The following EPHB2 variants were observed in gnomAD, a reference collection of about 807,000 sequenced individuals.
EPHB2 encodes EPH receptor B2.
Under a neutral mutation model 96.4 loss-of-function variants are expected in EPHB2, and 18 were observed. The observed-to-expected ratio is 0.19, with a 90% CI of 0.13 to 0.28. The LOEUF (loss-of-function observed/expected upper bound fraction) is 0.28, where lower values mean the gene tolerates loss of function less well. Ranked by LOEUF, EPHB2 falls within the 10% of genes least tolerant of loss-of-function variation. The pLI, the probability that EPHB2 is intolerant of heterozygous loss-of-function variation, is 1.00. For missense variants in EPHB2, 989 were observed against 1,355.4 expected, an observed-to-expected ratio of 0.73 and a Z score of 4.25; for synonymous variants, 506 against 534.1, an observed-to-expected ratio of 0.95 and a Z score of 0.72.
At chr1:22,890,957 G>A (rs538602766) in intron 6 of EPHB2, among the ~76,000 whole-genome samples, 9 of 152,132 alleles carry the variant, frequency 5.9e-5, no homozygotes, top group Non-Finnish European at 1.3e-4. Flanking sequence ...CTAGTCTTGG[G>A]TATGTGTGTA....
chr1:22,880,308 G>A lies in EPHB2; in HGVS notation c.1304-2051G>A, dbSNP rs551106347. ...TCAGGTTCCCCTGAACTCCTACCAG[G>A]CCTGCTCCACACTCACATCCCATAT... On this transcript the variant is annotated intron_variant, in intron 5 of 15. Coordinates refer to ENST00000374630, the MANE Select transcript of EPHB2 (RefSeq NM_017449.5). Among the ~76,000 whole-genome samples the A allele has an allele frequency of 4.6e-5, 7 of 152,334 alleles. No homozygotes were observed. In the East Asian group the frequency reaches 1.4e-3, roughly 29 times the overall value.
At chr1:22,799,426 C>A (rs1644811542) in intron 3 of EPHB2, among the ~76,000 whole-genome samples, 1 of 152,186 alleles carries the variant, frequency 6.6e-6, no homozygotes, top group South Asian at 2.1e-4. Flanking sequence ...AGGTGACTCA[C>A]CTACCCAAGC....
intron 1 of EPHB2, among the ~76,000 whole-genome samples, chr1:22,714,435 G>A (rs1367693858): frequency 6.6e-6 from 1 of 152,180 alleles, no homozygotes; most frequent in African/African-American, 2.4e-5. Context: ...AAAGGAAATA[G>A]CATGTCTATA....
At position 22,911,255 on chromosome 1, in the gene EPHB2, C is replaced by T. The variant is rs534177523; in HGVS notation, c.2696+680C>T. On this transcript the variant is annotated intron_variant, in intron 14 of 15. Transcript: ENST00000374630. ...TAAGTTTCCTTCCTAGCTACCCTCA[C>T]GCTCAAACCTGGACCCTCTAACTTC... is the stretch of plus-strand genomic sequence containing the variant. Among the ~76,000 whole-genome samples the T allele has an allele frequency of 5.3e-5, 8 of 152,284 alleles. No individual in the cohort carries two copies. The South Asian group carries it at 8.3e-4, about 16-fold the overall frequency.
intron 3 of EPHB2, among the ~76,000 whole-genome samples, chr1:22,810,137 G>A (rs1482035358): frequency 1.3e-5 from 2 of 152,148 alleles, no homozygotes; most frequent in African/African-American, 2.4e-5. Flanking sequence ...CGGTGGGGTT[G>A]GGGGACTTAG....
intron 3 of EPHB2, among the ~76,000 whole-genome samples, chr1:22,826,978 C>T (rs1645233645): frequency 6.6e-6 from 1 of 152,244 alleles, no homozygotes; most frequent in Non-Finnish European, 1.5e-5. Flanking sequence ...CTTTGACCTC[C>T]AGTTGATCTT....
At chr1:22,754,825 T>G (rs1570217091) in intron 1 of EPHB2, among the ~76,000 whole-genome samples, 5 of 104,154 alleles carry the variant, frequency 4.8e-5, no homozygotes, top group Non-Finnish European at 5.9e-5. Context: ...GGAAGGGAGG[T>G]GAGGGGCAGG....
At chr1:22,811,593 G>T (rs1557689013) in intron 3 of EPHB2, among the ~76,000 whole-genome samples, 1 of 152,166 alleles carries the variant, frequency 6.6e-6, no homozygotes, top group Non-Finnish European at 1.5e-5. Context: ...TCCCATCCAG[G>T]CCCCATATGA....
At chr1:22,734,776 C>A (rs1241819126) in intron 1 of EPHB2, among the ~76,000 whole-genome samples, 1 of 152,072 alleles carries the variant, frequency 6.6e-6, no homozygotes, top group Admixed American at 6.6e-5. Context: ...TCCTGAAGAT[C>A]CTTGAGAAGC....
At chr1:22,741,408 G>T (rs939056029) in intron 1 of EPHB2, among the ~76,000 whole-genome samples, 1 of 151,844 alleles carries the variant, frequency 6.6e-6, no homozygotes, top group African/African-American at 2.4e-5. Flanking sequence ...TCCAGCCTGC[G>T]CCCCCTAGTC....
intron 6 of EPHB2, among the ~76,000 whole-genome samples, chr1:22,883,557 G>A (rs1639119572): frequency 6.6e-6 from 1 of 152,210 alleles, no homozygotes. Context: ...TTTGGTTGAG[G>A]GCAAGCCCAC....
chr1:22,829,001 TAGTAATAG>T (rs1177605303), intron 3 of EPHB2, among the ~76,000 whole-genome samples: 2 of 152,238 alleles, frequency 1.3e-5, no homozygotes, highest in Non-Finnish European at 2.9e-5. Context: ...TAGAATGCTA[TAGTAATAG>T]AATGTCATAG....
At chr1:22,744,671 CAAAAAAAAAAAAAAAA>C (rs59996691) in intron 1 of EPHB2, among the ~76,000 whole-genome samples, 1 of 57,922 alleles carries the variant, frequency 1.7e-5, no homozygotes, top group East Asian at 6.1e-4. Flanking sequence ...GACATTGTCT[CAAAAAAAAAAAAAAAA>C]AAAAAAAAAA....
intron 1 of EPHB2, among the ~76,000 whole-genome samples, chr1:22,766,620 G>T (rs916512554): frequency 6.6e-5 from 10 of 152,260 alleles, no homozygotes; most frequent in Middle Eastern, 3.4e-3. Flanking sequence ...ATGGTGGTTG[G>T]GGGGAGGAGA....
At chr1:22,884,615 G>T (rs1639163886) in intron 6 of EPHB2, among the ~76,000 whole-genome samples, 1 of 95,888 alleles carries the variant, frequency 1.0e-5, no homozygotes, top group African/African-American at 4.9e-5. Flanking sequence ...GTGAGATGCT[G>T]TCTCAAAAAA....
At chr1:22,885,330 G>A (rs367718967) in intron 6 of EPHB2, among the ~76,000 whole-genome samples, 3 of 152,242 alleles carry the variant, frequency 2.0e-5, no homozygotes, top group African/African-American at 7.2e-5. Context: ...TCCTGCCTGC[G>A]ACCCATTTCC....
At chr1:22,712,782 CTT>C (rs1643188264) in intron 1 of EPHB2, among the ~76,000 whole-genome samples, 2 of 152,222 alleles carry the variant, frequency 1.3e-5, no homozygotes, top group Non-Finnish European at 2.9e-5. Context: ...TGAGGTACCA[CTT>C]ATTAACTCTG....
intron 1 of EPHB2, among the ~76,000 whole-genome samples, chr1:22,738,444 C>A (rs897318710): frequency 6.6e-6 from 1 of 152,198 alleles, no homozygotes; most frequent in African/African-American, 2.4e-5. Flanking sequence ...CCCATAGGAG[C>A]TTCCTAATGA....
At chr1:22,783,627 C>T (rs893962) in intron 2 of EPHB2, among the ~76,000 whole-genome samples, 3,203 of 152,268 alleles carry the variant, frequency 0.021, 129 homozygotes, top group African/African-American at 0.073. Context: ...GAGCCTGGTC[C>T]GTGAGTGTGA....
Sources: allele counts gnomAD v4.1 joint callset (sites outside exome capture counted in the v4.1 genomes callset), GRCh38; gene constraint gnomAD v4.1.1; transcripts MANE v1.5; gene names NCBI Gene and HGNC (gene_info 2026-07-23, HGNC 2026-07-21).